The following DTNA variants were observed in gnomAD, a reference collection of about 807,000 sequenced individuals.
The protein encoded by DTNA is dystrophin-related protein 3.
DTNA carries 43 observed loss-of-function variants against 100.7 expected under a neutral mutation model. The observed-to-expected ratio is 0.43, with a 90% CI of 0.33 to 0.55. DTNA has a LOEUF of 0.55. DTNA is among the 20% of genes least tolerant of loss of function. The probability of loss-of-function intolerance (pLI) is 0.04; values close to 1 mark genes in which losing one functional copy is unlikely to be tolerated. For missense variants in DTNA, 798 were observed against 953.9 expected (o/e 0.84, Z 2.15); for synonymous variants, 349 against 347.9 (o/e 1.00, Z -0.04).
rs376036967 is a variant in DTNA at position 34,735,077 on chromosome 18, C to T, written c.-1-20899C>T. ...ACACACACATACACATATATATATACACACACACACACTCACATATATATA... is the reference window on the plus strand; with the variant it reads ...ACACACACATACACATATATATATATACACACACACACTCACATATATATA... On this transcript the variant is annotated intron_variant, in intron 1 of 22. Transcript: ENST00000444659. Among the ~76,000 whole-genome samples, 70 of 151,864 alleles carry T rather than the reference C, an allele frequency of 4.6e-4. 1 individual carries two copies. The highest frequency in any genetic ancestry group is 1.2e-3 in the African/African-American group (49 of 41,414).
Position 34,884,577 on chromosome 18 carries a change from TG to T in DTNA, c.2296-150del, listed in dbSNP as rs2096904708. The T allele has an allele frequency of 7.9e-6, 7 of 882,522 alleles. No individual in the cohort carries two copies. The South Asian group carries it at 9.3e-5, about 12-fold the overall frequency. The allele number at this position is 882,522 out of a possible 1,614,324, so 54.7% of individuals were successfully genotyped here. ...CTTGAATGCTCTGTGAGCATACGGT[TG>T]TTGGATGGATTGGAACGCTACTCTC... On this transcript the variant is annotated intron_variant, in intron 21 of 22. Transcript: ENST00000444659.
chr18:34,621,851 G>T (rs923233983), intron 1 of DTNA, among the ~76,000 whole-genome samples: 1 of 152,038 alleles, frequency 6.6e-6, no homozygotes, highest in African/African-American at 2.4e-5. Flanking sequence ...ATGAAGTGAT[G>T]CATATGTTAA....
At chr18:34,572,933 C>T (rs561427759) in intron 1 of DTNA, among the ~76,000 whole-genome samples, 17 of 152,274 alleles carry the variant, frequency 1.1e-4, no homozygotes, top group Admixed American at 1.1e-3. Context: ...ACTTATTAAT[C>T]CTGAGCCCAG....
At chr18:34,509,630 A>C (rs1178933056) in intron 1 of DTNA, among the ~76,000 whole-genome samples, 1 of 152,188 alleles carries the variant, frequency 6.6e-6, no homozygotes, top group African/African-American at 2.4e-5. Flanking sequence ...TCAAAATATG[A>C]ATCATTTTCA....
At chr18:34,746,191 G>T (rs1046713860) in intron 1 of DTNA, among the ~76,000 whole-genome samples, 5 of 149,052 alleles carry the variant, frequency 3.4e-5, no homozygotes, top group Admixed American at 3.3e-4. Flanking sequence ...ATTTGGGGGG[G>T]GGACTTTTTA....
chr18:34,812,244 C>A, intron 6 of DTNA, 131 bp downstream of exon 6: 1 of 1,340,172 alleles, frequency 7.5e-7, no homozygotes, highest in Non-Finnish European at 1.0e-6. Context: ...TATTTTTCAG[C>A]CTCTGGCAAA....
intron 1 of DTNA, among the ~76,000 whole-genome samples, chr18:34,680,536 G>C (rs1422072325): frequency 6.6e-6 from 1 of 152,138 alleles, no homozygotes; most frequent in Non-Finnish European, 1.5e-5. Context: ...CAGAGCATTG[G>C]CCACTGTCTA....
At chr18:34,869,091 T>C (rs2096738045) in intron 17 of DTNA, among the ~76,000 whole-genome samples, 1 of 152,204 alleles carries the variant, frequency 6.6e-6, no homozygotes, top group African/African-American at 2.4e-5. Context: ...ACCAGATCTT[T>C]GCTCACGGCT....
At chr18:34,788,782 A>G (rs1318261181) in intron 3 of DTNA, among the ~76,000 whole-genome samples, 1 of 152,224 alleles carries the variant, frequency 6.6e-6, no homozygotes, top group African/African-American at 2.4e-5. Context: ...CCCACATAAT[A>G]CGTCATCAAG....
intron 1 of DTNA, among the ~76,000 whole-genome samples, chr18:34,647,403 G>GA (rs2059969471): frequency 6.6e-6 from 1 of 152,096 alleles, no homozygotes; most frequent in Non-Finnish European, 1.5e-5. Context: ...CCAGTAGGGG[G>GA]AAAAATGGCA....
At chr18:34,639,993 A>G (rs988086534) in intron 1 of DTNA, among the ~76,000 whole-genome samples, 4 of 152,220 alleles carry the variant, frequency 2.6e-5, no homozygotes, top group African/African-American at 9.6e-5. Context: ...CGCCTAGCCC[A>G]GTGAATACTT....
chr18:34,659,556 T>C (rs1301508545), intron 1 of DTNA, among the ~76,000 whole-genome samples: 1 of 152,142 alleles, frequency 6.6e-6, no homozygotes, highest in East Asian at 1.9e-4. Flanking sequence ...AGTTTGAACA[T>C]GTTTTTCCTT....
At chr18:34,569,762 G>T (rs959275311) in intron 1 of DTNA, among the ~76,000 whole-genome samples, 3 of 152,046 alleles carry the variant, frequency 2.0e-5, no homozygotes, top group Non-Finnish European at 4.4e-5. Context: ...TTGGTTGGGG[G>T]AAGTCAATCT....
chr18:34,675,314 AC>A lies in DTNA; in HGVS notation c.-1-80660del, dbSNP rs544990333. ...GGGGGCAAAATCACCCTGATTGAGA[AC>A]CACTGGACAAAAGTCATACCCTCAA... On this transcript the variant is annotated intron_variant, in intron 1 of 19. Coordinates refer to the DTNA transcript ENST00000283365. Among the ~76,000 whole-genome samples the A allele has an allele frequency of 1.1e-4, 17 of 152,192 alleles. No individual in the cohort carries two copies. The East Asian group carries it at 3.3e-3, about 29-fold the overall frequency.
At chr18:34,720,764 G>A (rs769085324) in intron 1 of DTNA, among the ~76,000 whole-genome samples, 1 of 152,182 alleles carries the variant, frequency 6.6e-6, no homozygotes, top group Non-Finnish European at 1.5e-5. Context: ...TGGTGTGGGA[G>A]CTGGGGATGT....
chr18:34,810,475 TAAA>T (rs1197608635), intron 5 of DTNA, among the ~76,000 whole-genome samples: 1 of 132,096 alleles, frequency 7.6e-6, no homozygotes, highest in African/African-American at 2.8e-5. Context: ...ATGTGGGAGC[TAAA>T]AAAAAAAAAC....
At chr18:34,769,724 G>GTTTTTTTTTTTTTTTTTTTTTTTTTTTT (rs1264439291) in intron 3 of DTNA, among the ~76,000 whole-genome samples, 23 of 41,396 alleles carry the variant, frequency 5.6e-4, no homozygotes, top group South Asian at 1.4e-3. Context: ...GCCCTCTGGG[G>GTTTTTTTTTTTTTTTTTTTTTTTTTTTT]CTTTTTTTTT....
At chr18:34,641,659 T>A (rs578218410) in intron 1 of DTNA, among the ~76,000 whole-genome samples, 14 of 152,212 alleles carry the variant, frequency 9.2e-5, no homozygotes, top group Non-Finnish European at 1.5e-4. Context: ...TCCCTCCTAT[T>A]GAATATCATT....
At chr18:34,791,259 A>G (rs910727723) in intron 3 of DTNA, among the ~76,000 whole-genome samples, 2 of 151,996 alleles carry the variant, frequency 1.3e-5, no homozygotes, top group Non-Finnish European at 2.9e-5. Flanking sequence ...ACATATACCC[A>G]TCTCCCTCCC....
Sources: allele counts gnomAD v4.1 joint callset (sites outside exome capture counted in the v4.1 genomes callset), GRCh38; gene constraint gnomAD v4.1.1; transcripts MANE v1.5; gene names NCBI Gene and HGNC (gene_info 2026-07-23, HGNC 2026-07-21).